Variants in SORCS1 observed in about 807,000 individuals in gnomAD.
SORCS1 encodes the protein VPS10 domain-containing receptor SorCS1.
SORCS1 carries 60 observed loss-of-function variants against 146.1 expected under a neutral mutation model. That is an observed-to-expected ratio of 0.41 (90% CI 0.33 to 0.51). The LOEUF (loss-of-function observed/expected upper bound fraction) is 0.51, where lower values mean the gene tolerates loss of function less well. Among genes scored for constraint, SORCS1 ranks in the 20% least tolerant of loss-of-function variants. The pLI, the probability that SORCS1 is intolerant of heterozygous loss-of-function variation, is 0.21. For missense variants in SORCS1, 1,352 were observed against 1,487.6 expected, an observed-to-expected ratio of 0.91 and a Z score of 1.50; for synonymous variants, 637 against 584.0, an observed-to-expected ratio of 1.09 and a Z score of -1.31.
intron 2 of SORCS1, among the ~76,000 whole-genome samples, chr10:106,926,832 C>T (rs1046493000): frequency 4.7e-5 from 1 of 21,226 alleles, no homozygotes; most frequent in African/African-American, 6.8e-5. Context: ...TATATATACA[C>T]ACACACACAC....
intron 2 of SORCS1, among the ~76,000 whole-genome samples, chr10:106,891,009 A>G (rs1951208820): frequency 1.3e-5 from 2 of 152,204 alleles, no homozygotes; most frequent in Admixed American, 1.3e-4. Context: ...AGTAGTATTT[A>G]TGATACATTT....
At chr10:107,088,949 T>C (rs112645877) in intron 1 of SORCS1, among the ~76,000 whole-genome samples, 191 of 150,092 alleles carry the variant, frequency 1.3e-3, no homozygotes, top group African/African-American at 3.9e-3. Flanking sequence ...GTTATTAAGA[T>C]TATTTGTTTC....
At chr10:106,895,471 C>A (rs1951433202) in intron 2 of SORCS1, among the ~76,000 whole-genome samples, 1 of 152,052 alleles carries the variant, frequency 6.6e-6, no homozygotes, top group African/African-American at 2.4e-5. Context: ...ATTAGCCGGG[C>A]ATGGTGGCGT....
At chr10:106,919,614 C>T (rs181437787) in intron 2 of SORCS1, among the ~76,000 whole-genome samples, 15 of 152,266 alleles carry the variant, frequency 9.9e-5, no homozygotes, top group South Asian at 2.1e-4. Flanking sequence ...AAATTCCCTG[C>T]GCTATTTGGT....
At chr10:107,111,632 A>G (rs1017073109) in intron 1 of SORCS1, among the ~76,000 whole-genome samples, 5 of 152,284 alleles carry the variant, frequency 3.3e-5, no homozygotes, top group Non-Finnish European at 7.4e-5. Flanking sequence ...AGGAGAAAGG[A>G]GAGAGAGTAA....
chr10:106,613,255 C>G (rs1156912005), intron 21 of SORCS1, among the ~76,000 whole-genome samples: 1 of 152,076 alleles, frequency 6.6e-6, no homozygotes, highest in African/African-American at 2.4e-5. Context: ...ATTACACAGG[C>G]AAGGATTATA....
intron 24 of SORCS1, among the ~76,000 whole-genome samples, chr10:106,595,923 G>C (rs1189461124): frequency 1.3e-5 from 2 of 152,136 alleles, no homozygotes; most frequent in Non-Finnish European, 2.9e-5. Flanking sequence ...TTCCTATACA[G>C]CTTTAGTTGC....
intron 4 of SORCS1, among the ~76,000 whole-genome samples, chr10:106,762,679 G>A (rs547364928): frequency 9.3e-4 from 141 of 152,132 alleles, no homozygotes; most frequent in African/African-American, 3.2e-3. Flanking sequence ...TTACAGGCGT[G>A]AGCCACCGTG....
intron 3 of SORCS1, among the ~76,000 whole-genome samples, chr10:106,803,285 A>T (rs1450568528): frequency 6.6e-6 from 1 of 152,194 alleles, no homozygotes; most frequent in African/African-American, 2.4e-5. Flanking sequence ...AAAATTATTC[A>T]TTTACATATC....
intron 1 of SORCS1, among the ~76,000 whole-genome samples, chr10:107,002,321 T>C (rs149149880): frequency 2.6e-4 from 39 of 152,304 alleles, no homozygotes; most frequent in Admixed American, 2.6e-3. Flanking sequence ...TCAGACCGTA[T>C]TGGAACTAAA....
chr10:106,592,480 T>C (rs1017355052), intron 24 of SORCS1, among the ~76,000 whole-genome samples: 4 of 152,216 alleles, frequency 2.6e-5, no homozygotes, highest in Non-Finnish European at 4.4e-5. Flanking sequence ...TTCTTTTTCC[T>C]TGGAGACAAA....
upstream of SORCS1, among the ~76,000 whole-genome samples, chr10:107,169,053 ACCACTCC>A (rs1970107525): frequency 6.6e-6 from 1 of 152,114 alleles, no homozygotes; most frequent in Non-Finnish European, 1.5e-5. Context: ...GAATGTTATA[ACCACTCC>A]CCACATAATC....
chr10:107,048,805 G>A (rs1439642308), intron 1 of SORCS1, among the ~76,000 whole-genome samples: 2 of 152,030 alleles, frequency 1.3e-5, no homozygotes, highest in Admixed American at 1.3e-4. Context: ...AAAACAGAAG[G>A]GTGGCTTTTA....
chr10:106,753,334 G>A (rs1359759201), intron 5 of SORCS1, among the ~76,000 whole-genome samples: 1 of 152,122 alleles, frequency 6.6e-6, no homozygotes, highest in Non-Finnish European at 1.5e-5. Context: ...TTTGGTGTGG[G>A]TGGCTTAGAG....
chr10:106,761,512 G>GTAA, intron 5 of SORCS1, 76 bp downstream of exon 5: 1 of 1,300,080 alleles, frequency 7.7e-7, no homozygotes, highest in Non-Finnish European at 1.1e-6. Context: ...GTGAGAACAA[G>GTAA]ATTCCAATGG....
chr10:106,695,500 G>A (rs1019307852), intron 9 of SORCS1, among the ~76,000 whole-genome samples: 1 of 152,134 alleles, frequency 6.6e-6, no homozygotes, highest in Non-Finnish European at 1.5e-5. Context: ...TAGGGTTTAG[G>A]TCCTAACTCT....
At chr10:106,933,644 C>T (rs1179713385) in intron 2 of SORCS1, among the ~76,000 whole-genome samples, 2 of 151,920 alleles carry the variant, frequency 1.3e-5, no homozygotes, top group African/African-American at 4.8e-5. Context: ...GGATGCCCCC[C>T]CACCCCCAGC....
intron 1 of SORCS1, among the ~76,000 whole-genome samples, chr10:106,958,819 C>T (rs974956973): frequency 3.9e-5 from 6 of 152,108 alleles, no homozygotes; most frequent in Non-Finnish European, 7.3e-5. Context: ...TTTCAATCAC[C>T]GCCATCCCAG....
chr10:107,126,454 G>A (rs986648367), intron 1 of SORCS1, among the ~76,000 whole-genome samples: 15 of 151,994 alleles, frequency 9.9e-5, no homozygotes, highest in South Asian at 2.1e-4. Context: ...AAATTCTTAC[G>A]TTTAGATTGT....
Sources: allele counts gnomAD v4.1 joint callset (sites outside exome capture counted in the v4.1 genomes callset), GRCh38; gene constraint gnomAD v4.1.1; transcripts MANE v1.5; gene names NCBI Gene and HGNC (gene_info 2026-07-23, HGNC 2026-07-21).